BACH2: variants seen among roughly 807,000 people sequenced by gnomAD.
BACH2 encodes the protein transcription regulator protein BACH2.
In BACH2, 5 loss-of-function variants were observed where a neutral mutation model predicts 61.8. That is an observed-to-expected ratio of 0.08 (90% confidence interval 0.04 to 0.17). The LOEUF (loss-of-function observed/expected upper bound fraction) is 0.17, where lower values mean the gene tolerates loss of function less well. Among genes scored for constraint, BACH2 ranks in the 10% least tolerant of loss-of-function variants. The pLI is 1.00. For synonymous variants in BACH2, 446 were observed against 440.1 expected, an observed-to-expected ratio of 1.01 and a Z score of -0.17; for missense variants, 824 against 1,091.1, an observed-to-expected ratio of 0.76 and a Z score of 3.45.
At chr6:90,097,130 G>C (rs1562441514) in intron 4 of BACH2, among the ~76,000 whole-genome samples, 1 of 152,274 alleles carries the variant, frequency 6.6e-6, no homozygotes, top group Middle Eastern at 3.4e-3. Flanking sequence ...CAAGCTCATG[G>C]ATGACTCTTG....
chr6:89,952,923 C>G (rs1774219027), intron 6 of BACH2: 1 of 152,140 alleles, frequency 6.6e-6, no homozygotes, highest in Non-Finnish European at 1.5e-5. Flanking sequence ...GCTTCCTTAC[C>G]CTGCACATAA....
intron 4 of BACH2, among the ~76,000 whole-genome samples, chr6:90,188,760 G>GA (rs57618295): frequency 0.083 from 6,578 of 78,798 alleles, 316 homozygotes; most frequent in South Asian, 0.14. Flanking sequence ...GCCCCAAAAT[G>GA]AAAAAAAAAA....
chr6:90,068,502 T>A (rs1036146875), intron 5 of BACH2, among the ~76,000 whole-genome samples: 2 of 152,182 alleles, frequency 1.3e-5, no homozygotes, highest in African/African-American at 4.8e-5. Context: ...GTACCTCCCA[T>A]GGAGACGCTG....
chr6:90,220,142 T>TC (rs1769691041), intron 3 of BACH2, among the ~76,000 whole-genome samples: 1 of 152,228 alleles, frequency 6.6e-6, no homozygotes, highest in Non-Finnish European at 1.5e-5. Flanking sequence ...TAGAATTTTT[T>TC]CACAATGTTT....
intron 4 of BACH2, among the ~76,000 whole-genome samples, chr6:90,120,687 T>C (rs1783585112): frequency 1.3e-5 from 2 of 152,186 alleles, no homozygotes; most frequent in East Asian, 3.9e-4. Context: ...ACCTATCCAA[T>C]AGAAAGTCTT....
intron 4 of BACH2, among the ~76,000 whole-genome samples, chr6:90,176,318 A>G (rs1767981983): frequency 6.6e-6 from 1 of 152,120 alleles, no homozygotes; most frequent in African/African-American, 2.4e-5. Flanking sequence ...TGAAGGAGGG[A>G]GCAAATTTAC....
At chr6:90,276,691 C>T (rs746597234) in intron 1 of BACH2, among the ~76,000 whole-genome samples, 1 of 152,082 alleles carries the variant, frequency 6.6e-6, no homozygotes, top group Non-Finnish European at 1.5e-5. Context: ...TTGGAATGTA[C>T]CTTCCTGCCA....
At chr6:89,993,755 C>G (rs1776703142) in intron 6 of BACH2, among the ~76,000 whole-genome samples, 1 of 151,800 alleles carries the variant, frequency 6.6e-6, no homozygotes, top group East Asian at 1.9e-4. Context: ...GGCATGAACT[C>G]CAAGGACACC....
chr6:90,134,433 C>T (rs1288164996), intron 4 of BACH2, among the ~76,000 whole-genome samples: 4 of 152,168 alleles, frequency 2.6e-5, no homozygotes, highest in Non-Finnish European at 4.4e-5. Context: ...GTGATGAAGG[C>T]TGACATTTTA....
intron 2 of BACH2, among the ~76,000 whole-genome samples, chr6:90,268,243 T>G (rs764521131): frequency 1.3e-5 from 2 of 152,172 alleles, no homozygotes; most frequent in Non-Finnish European, 2.9e-5. Flanking sequence ...TGATCTCAAG[T>G]GATCTGCCTG....
intron 6 of BACH2, among the ~76,000 whole-genome samples, chr6:89,994,813 A>C (rs1776759829): frequency 2.6e-5 from 4 of 152,208 alleles, no homozygotes. Context: ...CACTGTAAGA[A>C]ATTAGAAAAT....
At chr6:89,978,726 G>A (rs1775790909) in intron 6 of BACH2, among the ~76,000 whole-genome samples, 2 of 151,028 alleles carry the variant, frequency 1.3e-5, no homozygotes, top group South Asian at 4.2e-4. Flanking sequence ...AATTGATAAT[G>A]CAAAGAAAAG....
At chr6:90,121,345 A>T (rs1159555457) in intron 4 of BACH2, among the ~76,000 whole-genome samples, 1 of 151,982 alleles carries the variant, frequency 6.6e-6, no homozygotes, top group Admixed American at 6.6e-5. Context: ...GAGGGCTCTG[A>T]CTCTGTAACC....
Position 89,950,367 on chromosome 6 carries a change from T to A in BACH2, c.1739A>T (p.Lys580Ile), listed in dbSNP as rs1774002983. 1 of 1,614,036 alleles carries A rather than the reference T, an allele frequency of 6.2e-7. No individual in the cohort carries two copies. Among genetic ancestry groups the A allele is most frequent in the Non-Finnish European group, 8.5e-7 (1 of 1,180,000 alleles). Reference sequence around the variant, plus strand: ...GTTGGTTCCATAAGACTGCTCACATTTAATTTGGGGCCGCACTTGGTTGTA... The same window carrying A: ...GTTGGTTCCATAAGACTGCTCACATATAATTTGGGGCCGCACTTGGTTGTA... ...GMYNQVRPQI[K>I]CEQSYGTNSS... The change falls in exon 7 of 9, where the codon AAA becomes ATA. Residue 580 changes from lysine (K) to isoleucine (I), a missense_variant. Lys to Ile is a moderately radical substitution (Grantham distance 102). Transcript: ENST00000257749. The surrounding 1 kb of genome is among the most constrained non-coding windows in gnomAD (Gnocchi z 5.3).
intron 3 of BACH2, among the ~76,000 whole-genome samples, chr6:90,233,334 C>A (rs938372519): frequency 6.6e-6 from 1 of 152,198 alleles, no homozygotes; most frequent in Non-Finnish European, 1.5e-5. Flanking sequence ...GGCAGATGTA[C>A]ACCAAAGCCT....
chr6:89,937,611 C>A (rs959446300), intron 8 of BACH2, among the ~76,000 whole-genome samples: 1 of 152,188 alleles, frequency 6.6e-6, no homozygotes, highest in Non-Finnish European at 1.5e-5. Context: ...CTCACTGCAA[C>A]CTTCACTTCC....
chr6:90,026,630 A>G (rs1339720349), intron 5 of BACH2, among the ~76,000 whole-genome samples: 1 of 152,186 alleles, frequency 6.6e-6, no homozygotes, highest in Admixed American at 6.5e-5. Context: ...TTGTCTGCCT[A>G]TACATAAAGA....
At chr6:90,087,968 ATTCT>A (rs1233216485) in intron 5 of BACH2, among the ~76,000 whole-genome samples, 1 of 151,056 alleles carries the variant, frequency 6.6e-6, no homozygotes, top group Non-Finnish European at 1.5e-5. Flanking sequence ...GGCCATATTC[ATTCT>A]TTCTATTTTT....
chr6:90,047,275 C>T (rs1251491233), intron 5 of BACH2, among the ~76,000 whole-genome samples: 1 of 152,152 alleles, frequency 6.6e-6, no homozygotes, highest in African/African-American at 2.4e-5. Flanking sequence ...AGGAAGTTAT[C>T]AGGGATGGGG....
Sources: allele counts gnomAD v4.1 joint callset (sites outside exome capture counted in the v4.1 genomes callset), GRCh38; gene constraint gnomAD v4.1.1; non-coding constraint Gnocchi (gnomAD v3.1); transcripts MANE v1.5; gene names NCBI Gene and HGNC (gene_info 2026-07-23, HGNC 2026-07-21).